CFAP57: variants seen among roughly 807,000 people sequenced by gnomAD.
CFAP57 encodes the protein cilia- and flagella-associated protein 57.
In CFAP57, 116 loss-of-function variants were observed where a neutral mutation model predicts 146.8. The ratio of observed to expected loss-of-function variants is 0.79; its 90% CI spans 0.68 to 0.92. The LOEUF (loss-of-function observed/expected upper bound fraction) is 0.92, where lower values mean the gene tolerates loss of function less well. Among genes scored for constraint, CFAP57 ranks in the 40% least tolerant of loss-of-function variants. CFAP57 has a pLI of 0.00. For missense variants in CFAP57, 1,377 were observed against 1,527.2 expected (o/e 0.90, Z 1.64); for synonymous variants, 518 against 552.8 (o/e 0.94, Z 0.88).
At chr1:43,223,680 C>T (rs1392499295) in intron 16 of CFAP57, among the ~76,000 whole-genome samples, 1 of 152,174 alleles carries the variant, frequency 6.6e-6, no homozygotes, top group Non-Finnish European at 1.5e-5. Flanking sequence ...TTAGGGCCCA[C>T]TTTCTGTGAC....
rs529554561 is a variant in CFAP57, at chr1:43,219,380, A to G, written c.2092-2A>G. 4.5e-6 allele frequency: 7 copies of G among 1,548,140 alleles called. No homozygotes were observed. Among genetic ancestry groups the G allele is most frequent in the African/African-American group, 4.1e-5 (3 of 73,014 alleles). ...CTTGATCCTTCTGTCCTTCTCCCAAAGGCTCAGGTTATGTTGGAGCTAAAG... is the reference window on the plus strand; with the variant it reads ...CTTGATCCTTCTGTCCTTCTCCCAAGGGCTCAGGTTATGTTGGAGCTAAAG... On this transcript the variant is annotated splice_acceptor_variant, in intron 12 of 22. Coordinates refer to ENST00000372492, the MANE Select transcript of CFAP57 (RefSeq NM_001378189.1). LOFTEE classifies it high-confidence loss of function.
At chr1:43,243,399 G>A (rs746997647) in intron 22 of CFAP57, 40 bp downstream of exon 22, 72 of 1,468,906 alleles carry the variant, frequency 4.9e-5, no homozygotes, top group Non-Finnish European at 6.2e-5. Context: ...GCACTGGGAC[G>A]AAGGGATTGA....
At chr1:43,226,194 A>G (rs1373547234) in intron 17 of CFAP57, among the ~76,000 whole-genome samples, 1 of 152,194 alleles carries the variant, frequency 6.6e-6, no homozygotes, top group Admixed American at 6.5e-5. Flanking sequence ...TAAGTGATTG[A>G]AAGCAACTAT....
rs142719100 is a variant in CFAP57 at position 43,195,437 on chromosome 1, G to A, written c.1123-2116G>A. ...CTAGGGAGGTTGAGGCAGGAGAATC[G>A]CTTGAACCTGGGAGGCGGAGTTGCA... On this transcript the variant is annotated intron_variant, in intron 6 of 22. Coordinates refer to ENST00000372492, the MANE Select transcript of CFAP57 (RefSeq NM_001378189.1). 7.3e-3 allele frequency among the ~76,000 whole-genome samples: 1,103 copies of A among 151,986 alleles called. 10 individuals carry two copies. The highest frequency in any genetic ancestry group is 0.011 in the Non-Finnish European group (780 of 67,992).
intron 22 of CFAP57, among the ~76,000 whole-genome samples, chr1:43,245,524 T>G (rs892700333): frequency 1.3e-5 from 2 of 152,110 alleles, no homozygotes; most frequent in East Asian, 3.8e-4. Flanking sequence ...TATCAACTCC[T>G]GTCACTTGTG....
At chr1:43,215,640 C>T (rs1390143714) in intron 12 of CFAP57, among the ~76,000 whole-genome samples, 1 of 152,216 alleles carries the variant, frequency 6.6e-6, no homozygotes, top group African/African-American at 2.4e-5. Flanking sequence ...TCTTGACTTA[C>T]ACTGTGCTTT....
At chr1:43,249,597 CTTTTT>C (rs35050145) in intron 22 of CFAP57, among the ~76,000 whole-genome samples, 1 of 52,650 alleles carries the variant, frequency 1.9e-5, no homozygotes, top group Non-Finnish European at 3.5e-5. Flanking sequence ...ACCCAGCTAA[CTTTTT>C]TTTTTTTTTT....
At chr1:43,224,519 G>T (rs78921064) in intron 17 of CFAP57, among the ~76,000 whole-genome samples, 2 of 152,186 alleles carry the variant, frequency 1.3e-5, no homozygotes, top group South Asian at 2.1e-4. Flanking sequence ...AATAAGAACC[G>T]AGTCAGCTGA....
At position 43,181,875 on chromosome 1, in the gene CFAP57, G is replaced by A. The variant is rs371939816; in HGVS notation, c.474+25G>A. 198 of 1,610,734 alleles carry A rather than the reference G, an allele frequency of 1.2e-4. No individual in the cohort carries two copies. In the African/African-American group the frequency reaches 2.1e-3, roughly 17 times the overall value. On this transcript the variant is annotated intron_variant, in intron 3 of 22. Transcript: ENST00000372492. ...GGTACCTAGTAGTGTGACAAGTATCGTGAAAATTATAAAAAATAGAACTAC... is the reference window on the plus strand; with the variant it reads ...GGTACCTAGTAGTGTGACAAGTATCATGAAAATTATAAAAAATAGAACTAC...
Position 43,205,143 on chromosome 1 carries a change from G to A in CFAP57, c.1543-1577G>A, listed in dbSNP as rs146980240. On this transcript the variant is annotated intron_variant, in intron 9 of 22. Transcript: ENST00000372492. Reference sequence around the variant, plus strand: ...GCCTCTAGAGTTGTCTGTTATCCCTGAAGGACTCTTCTTCTCTGTCCCTTT... The same window carrying A: ...GCCTCTAGAGTTGTCTGTTATCCCTAAAGGACTCTTCTTCTCTGTCCCTTT... Among the ~76,000 whole-genome samples the A allele has an allele frequency of 5.9e-3, 893 of 152,246 alleles. 7 individuals are homozygous for A. The highest frequency in any genetic ancestry group is 0.034 in the South Asian group (165 of 4,822).
chr1:43,213,181 G>T (rs1315629664), intron 11 of CFAP57, among the ~76,000 whole-genome samples: 1 of 152,006 alleles, frequency 6.6e-6, no homozygotes, highest in Non-Finnish European at 1.5e-5. Flanking sequence ...ACCGCCTCCT[G>T]GGTTCAAGCG....
chr1:43,186,899 A>G (rs774464428), intron 6 of CFAP57, 40 bp downstream of exon 6: 11 of 1,613,058 alleles, frequency 6.8e-6, no homozygotes, highest in Admixed American at 1.7e-5. Context: ...ACCAGGACCT[A>G]TCTGCCTGCT....
At position 43,201,777 on chromosome 1, in the gene CFAP57, G is replaced by A. The variant is rs144862465; in HGVS notation, c.1542+2274G>A. Among the ~76,000 whole-genome samples, 27,529 of 152,102 alleles carry A rather than the reference G, an allele frequency of 0.18. 3,626 individuals carry two copies. Among genetic ancestry groups the A allele is most frequent in the African/African-American group, 0.35 (14,459 of 41,442 alleles). On this transcript the variant is annotated intron_variant, in intron 9 of 22. Coordinates refer to ENST00000372492, the MANE Select transcript of CFAP57 (RefSeq NM_001378189.1). This position sits in a 1 kb window ranked among gnomAD's most constrained non-coding sequence, Gnocchi z 4.4. ...ATTACAGGCATGTACCACCACACCC[G>A]GGTAATTTTGTATTTTTAATAGAGA...
At chr1:43,205,163 C>A (rs1644304775) in intron 9 of CFAP57, among the ~76,000 whole-genome samples, 1 of 152,200 alleles carries the variant, frequency 6.6e-6, no homozygotes, top group Non-Finnish European at 1.5e-5. Flanking sequence ...TCTTCTCTGT[C>A]CCTTTCCCTT....
chr1:43,250,087 T>G (rs767022552), intron 22 of CFAP57: 17 of 152,350 alleles, frequency 1.1e-4, no homozygotes, highest in Non-Finnish European at 2.4e-4. Flanking sequence ...TTGCTTGGAC[T>G]TTTTCACCTA....
chr1:43,195,559 A>T lies in CFAP57; in HGVS notation c.1123-1994A>T, dbSNP rs1315341008. Reference sequence around the variant, plus strand: ...AAAAAAAAAAAACATGGACAAAGATATTCACCATAGTGTTTGTAGCAATGG... The same window carrying T: ...AAAAAAAAAAAACATGGACAAAGATTTTCACCATAGTGTTTGTAGCAATGG... On this transcript the variant is annotated intron_variant, in intron 6 of 22. Coordinates refer to ENST00000372492, the MANE Select transcript of CFAP57 (RefSeq NM_001378189.1). Among the ~76,000 whole-genome samples, 3 of 152,112 alleles carry T rather than the reference A, an allele frequency of 2.0e-5. No individual in the cohort carries two copies. In the East Asian group the frequency reaches 5.8e-4, roughly 29 times the overall value.
intron 17 of CFAP57, among the ~76,000 whole-genome samples, chr1:43,224,430 T>G (rs1645165454): frequency 6.6e-6 from 1 of 152,190 alleles, no homozygotes. Context: ...GAGAACCCAG[T>G]GTTATGGTTC....
chr1:43,247,881 T>C (rs1016744852), intron 22 of CFAP57, among the ~76,000 whole-genome samples: 1 of 152,116 alleles, frequency 6.6e-6, no homozygotes, highest in Non-Finnish European at 1.5e-5. Flanking sequence ...ATCCCAACAC[T>C]TTGGGAGGCC....
Position 43,183,909 on chromosome 1 carries a change from A to G in CFAP57, c.761+32A>G, listed in dbSNP as rs775528263. 3 of 1,612,260 alleles carry G rather than the reference A, an allele frequency of 1.9e-6. No homozygotes were observed. The East Asian group carries it at 6.7e-5, about 36-fold the overall frequency. The stretch of plus-strand genomic sequence containing the variant: ...GTGCTTCCTGGGCTGGTGCTCCCAC[A>G]TTCATTGTACTGACAGCATTATGCA... On this transcript the variant is annotated intron_variant, in intron 4 of 22. Coordinates refer to ENST00000372492, the MANE Select transcript of CFAP57 (RefSeq NM_001378189.1).
Sources: gnomAD v4.1 joint callset for allele counts (sites outside exome capture counted in the v4.1 genomes callset) on GRCh38, gnomAD v4.1.1 for gene constraint, Gnocchi (gnomAD v3.1) non-coding constraint, MANE v1.5 for transcripts, NCBI Gene and HGNC (gene_info 2026-07-23, HGNC 2026-07-21) for gene names.